NAV3: variants seen among roughly 807,000 people sequenced by gnomAD.
NAV3 encodes pore membrane and/or filament interacting like protein 1.
Under a neutral mutation model 244.7 loss-of-function variants are expected in NAV3, and 87 were observed. That is an observed-to-expected ratio of 0.36 (90% CI 0.30 to 0.42). The LOEUF (loss-of-function observed/expected upper bound fraction) is 0.42, where lower values mean the gene tolerates loss of function less well. Among genes scored for constraint, NAV3 ranks in the 20% least tolerant of loss-of-function variants. The probability of loss-of-function intolerance (pLI) is 1.00; values close to 1 mark genes in which losing one functional copy is unlikely to be tolerated. For missense variants in NAV3, 2,663 were observed against 2,893.3 expected, an observed-to-expected ratio of 0.92 and a Z score of 1.83; for synonymous variants, 1,126 against 1,042.2, an observed-to-expected ratio of 1.08 and a Z score of -1.55.
chr12:77,711,945 A>G (rs991207247), intron 2 of NAV3, among the ~76,000 whole-genome samples: 3 of 152,102 alleles, frequency 2.0e-5, no homozygotes, highest in Non-Finnish European at 4.4e-5. Flanking sequence ...ACTTCCAATG[A>G]ACTCACTATG....
intron 2 of NAV3, among the ~76,000 whole-genome samples, chr12:77,667,460 G>A (rs916119287): frequency 1.3e-5 from 2 of 152,036 alleles, no homozygotes; most frequent in Admixed American, 6.6e-5. Context: ...TGGAAGTGGG[G>A]TGAGGCCTGT....
At chr12:77,893,472 A>G (rs1382829938) in intron 1 of NAV3, among the ~76,000 whole-genome samples, 1 of 152,176 alleles carries the variant, frequency 6.6e-6, no homozygotes, top group East Asian at 1.9e-4. Flanking sequence ...TAGAGTTGAA[A>G]TGCATAGAAT....
rs1874286235 is a variant in NAV3 at position 78,006,715 on chromosome 12, G to A, written c.1177G>A (p.Ala393Thr). 1.2e-6 allele frequency: 2 copies of A among 1,614,114 alleles called. No individual in the cohort carries two copies. The highest frequency in any genetic ancestry group is 1.7e-6 in the Non-Finnish European group (2 of 1,180,042). ...SMLEKFKLVNARTALRPPQPP... is the reference protein window; with the variant it reads ...SMLEKFKLVNTRTALRPPQPP... ...GCTTGAGAAATTCAAGCTAGTCAAT[G>A]CCCGGACTGCTTTACGCCCCCCGCA... is the stretch of plus-strand genomic sequence containing the variant. The change falls in exon 8 of 40, where the codon GCC becomes ACC. Residue 393 changes from alanine to threonine, a missense_variant. Around this residue, in one of 6 missense-constraint regions of NAV3, gnomAD observed 1,521 missense variants for 1,497.0 expected, o/e 1.02. Transcript: ENST00000397909.
At chr12:77,580,634 T>G (rs1002240982) in intron 2 of NAV3, among the ~76,000 whole-genome samples, 1 of 152,230 alleles carries the variant, frequency 6.6e-6, no homozygotes, top group Admixed American at 6.5e-5. Context: ...ATGGTACATT[T>G]TAATAGTGTT....
At chr12:78,108,686 AAAC>A (rs563781913) in intron 12 of NAV3, among the ~76,000 whole-genome samples, 2 of 152,260 alleles carry the variant, frequency 1.3e-5, no homozygotes, top group African/African-American at 4.8e-5. Context: ...CATGCAGATT[AAAC>A]AACATGTTCC....
At chr12:77,778,613 GAA>G (rs746919824) in intron 2 of NAV3, among the ~76,000 whole-genome samples, 1,053 of 58,142 alleles carry the variant, frequency 0.018, 9 homozygotes, top group African/African-American at 0.06. Flanking sequence ...CTCCGTCTCA[GAA>G]AAAAAAAAAA....
chr12:77,614,072 CTCT>C (rs1465144811), intron 2 of NAV3, among the ~76,000 whole-genome samples: 53 of 127,216 alleles, frequency 4.2e-4, no homozygotes, highest in Non-Finnish European at 5.1e-4. Context: ...TTTTCTTTCT[CTCT>C]TTTTTTTTTT....
rs149247782 is a variant in NAV3, at chr12:77,720,189, G to T, written c.72+147923G>T. Among the ~76,000 whole-genome samples, 156 of 150,988 alleles carry T rather than the reference G, an allele frequency of 1.0e-3. 1 individual carries two copies. Among genetic ancestry groups the T allele is most frequent in the African/African-American group, 3.6e-3 (146 of 41,060 alleles). ...TCTCTCTCTCTCTCTCTTTAACCTGGCTAATGGTTTATCAATTTTTTTTCT... is the reference window on the plus strand; with the variant it reads ...TCTCTCTCTCTCTCTCTTTAACCTGTCTAATGGTTTATCAATTTTTTTTCT... On this transcript the variant is annotated intron_variant, in intron 2 of 8. Transcript: ENST00000550042.
intron 1 of NAV3, among the ~76,000 whole-genome samples, chr12:77,855,493 T>C (rs1565860341): frequency 6.6e-6 from 1 of 152,220 alleles, no homozygotes; most frequent in Non-Finnish European, 1.5e-5. Flanking sequence ...TTCAATGACA[T>C]TGTGATATAT....
intron 12 of NAV3, among the ~76,000 whole-genome samples, chr12:78,078,497 G>A (rs1375774142): frequency 2.9e-5 from 4 of 137,498 alleles, no homozygotes; most frequent in African/African-American, 1.1e-4. Context: ...CCGGGTTCAC[G>A]CCATTCTCCT....
intron 12 of NAV3, among the ~76,000 whole-genome samples, chr12:78,081,679 T>G (rs1953361093): frequency 6.6e-6 from 1 of 152,190 alleles, no homozygotes. Context: ...TATGCTGTTC[T>G]TTCTCTGTGG....
chr12:78,142,951 GA>G (rs1216559674), intron 20 of NAV3, among the ~76,000 whole-genome samples: 4 of 151,898 alleles, frequency 2.6e-5, no homozygotes, highest in Non-Finnish European at 4.4e-5. Context: ...CTACTTAAGA[GA>G]AAAATCATAA....
chr12:77,876,719 T>G (rs1881898356), intron 1 of NAV3, among the ~76,000 whole-genome samples: 1 of 152,078 alleles, frequency 6.6e-6, no homozygotes, highest in African/African-American at 2.4e-5. Flanking sequence ...ACAAGCCACT[T>G]TTTGAGTCTT....
intron 12 of NAV3, among the ~76,000 whole-genome samples, chr12:78,072,330 A>T (rs1426578404): frequency 1.0e-4 from 14 of 135,950 alleles, no homozygotes; most frequent in African/African-American, 3.9e-4. Flanking sequence ...TCAAATAGAC[A>T]CAATAAAAAA....
chr12:77,721,784 AT>A (rs1876643926), intron 2 of NAV3, among the ~76,000 whole-genome samples: 1 of 152,122 alleles, frequency 6.6e-6, no homozygotes, highest in South Asian at 2.1e-4. Flanking sequence ...TTCCCAAGGA[AT>A]TTAGAGCAGT....
chr12:77,974,314 C>T (rs988400842), intron 5 of NAV3, among the ~76,000 whole-genome samples: 63 of 151,986 alleles, frequency 4.1e-4, no homozygotes, highest in African/African-American at 1.5e-3. Flanking sequence ...TAGAATCTTG[C>T]TCTGTCACCC....
At chr12:78,175,623 C>T (rs1026664484) in intron 25 of NAV3, among the ~76,000 whole-genome samples, 196 bp downstream of exon 25, 4 of 151,940 alleles carry the variant, frequency 2.6e-5, no homozygotes. Flanking sequence ...TGGGACTAAA[C>T]TTGGGTTTGA....
intron 1 of NAV3, among the ~76,000 whole-genome samples, chr12:77,880,452 G>A (rs1469782014): frequency 1.3e-5 from 2 of 152,096 alleles, no homozygotes; most frequent in African/African-American, 4.8e-5. Flanking sequence ...TCCATCCAGA[G>A]CCTCAATGTT....
chr12:78,170,671 T>C (rs946361496), intron 24 of NAV3, among the ~76,000 whole-genome samples: 10 of 151,810 alleles, frequency 6.6e-5, no homozygotes, highest in Non-Finnish European at 1.2e-4. Flanking sequence ...CTTCTTGTTC[T>C]GTTGTTGCAT....
Sources: allele counts gnomAD v4.1 joint callset (sites outside exome capture counted in the v4.1 genomes callset), GRCh38; gene constraint gnomAD v4.1.1; regional missense constraint gnomAD v4.1.1; transcripts MANE v1.5; gene names NCBI Gene and HGNC (gene_info 2026-07-23, HGNC 2026-07-21).